Variants in PPP2R5C observed in about 807,000 individuals in gnomAD.
The protein encoded by PPP2R5C is serine/threonine-protein phosphatase 2A 56 kDa regulatory subunit gamma isoform.
In PPP2R5C, 7 loss-of-function variants were observed where a neutral mutation model predicts 68.9. The ratio of observed to expected loss-of-function variants is 0.10; its 90% CI spans 0.06 to 0.19. PPP2R5C has a LOEUF of 0.19. Ranked by LOEUF, PPP2R5C falls within the 10% of genes least tolerant of loss-of-function variation. The pLI, the probability that PPP2R5C is intolerant of heterozygous loss-of-function variation, is 1.00. For synonymous variants in PPP2R5C, 210 were observed against 222.2 expected (o/e 0.95, Z 0.49); for missense variants, 348 against 641.3 (o/e 0.54, Z 4.94).
chr14:101,797,023 C>G lies in PPP2R5C; in HGVS notation c.259+10840C>G, dbSNP rs1314180891. ...TACATTCAAAATGCTGTACACCCATCACTACTATCTCTACCCAAAACTTTT... is the reference window on the plus strand; with the variant it reads ...TACATTCAAAATGCTGTACACCCATGACTACTATCTCTACCCAAAACTTTT... On this transcript the variant is annotated intron_variant, in intron 3 of 14. Transcript: ENST00000328724. This position sits in a 1 kb window ranked among gnomAD's most constrained non-coding sequence, Gnocchi z 4.2. 2.5e-6 allele frequency: 1 copy of G among 400,490 alleles called. No individual in the cohort carries two copies. The highest frequency in any genetic ancestry group is 5.1e-6 in the Non-Finnish European group (1 of 197,772). 24.8% of individuals were successfully genotyped at this position (400,490 alleles called of 1,614,324 possible).
Position 101,762,437 on chromosome 14 carries a change from T to C in PPP2R5C, c.28-468T>C, listed in dbSNP as rs934850618. Among the ~76,000 whole-genome samples, 3 of 151,866 alleles carry C rather than the reference T, an allele frequency of 2.0e-5. No homozygotes were observed. The South Asian group carries it at 6.3e-4, about 32-fold the overall frequency. On this transcript the variant is annotated intron_variant, in intron 1 of 14. Coordinates refer to the PPP2R5C transcript ENST00000328724. The stretch of plus-strand genomic sequence containing the variant: ...CCGCCCCGGAGGGACGCTCTGGGGC[T>C]CTCGAACACTATTATTATCCTGGGT...
At chr14:101,805,555 A>C (rs1025729464), upstream of PPP2R5C, among the ~76,000 whole-genome samples, 70 of 152,238 alleles carry the variant, frequency 4.6e-4, no homozygotes, top group African/African-American at 1.6e-3. Flanking sequence ...CTTGTTGGAT[A>C]TACACCCAAA....
At chr14:101,904,977 G>A (rs930344420) in intron 9 of PPP2R5C, among the ~76,000 whole-genome samples, 2 of 152,256 alleles carry the variant, frequency 1.3e-5, no homozygotes, top group Non-Finnish European at 2.9e-5. Context: ...GGTAGGGTAT[G>A]AACAGTGTTG....
In PPP2R5C at chr14:101,906,778, GT is replaced by G. The variant is rs2046051130; in HGVS notation, c.1151+252del. The stretch of plus-strand genomic sequence containing the variant: ...TTGCAGCCACCTCCCAGTAGCAGCA[GT>G]TTCTAGGCCTCTTCCTGAGCGTCCT... On this transcript the variant is annotated intron_variant, in intron 10 of 13. Transcript: ENST00000334743. The surrounding 1 kb of genome is among the most constrained non-coding windows in gnomAD (Gnocchi z 4.0). The G allele has an allele frequency of 2.2e-6, 1 of 446,934 alleles. No individual in the cohort carries two copies. Among genetic ancestry groups the G allele is most frequent in the South Asian group, 3.0e-5 (1 of 33,854 alleles). The allele number at this position is 446,934 out of a possible 1,614,324, so 27.7% of individuals were successfully genotyped here.
chr14:101,856,868 C>T, exon 2 of PPP2R5C: 2 of 1,613,832 alleles, frequency 1.2e-6, no homozygotes, highest in Non-Finnish European at 1.7e-6. Context: ...GCCTATTTAC[C>T]CAGAAGTAGT....
chr14:101,821,479 G>GTGTT (rs1334561134), intron 1 of PPP2R5C, among the ~76,000 whole-genome samples: 3 of 151,614 alleles, frequency 2.0e-5, no homozygotes, highest in Non-Finnish European at 2.9e-5. Flanking sequence ...GTGTGTGTGT[G>GTGTT]TGTGTATTTA....
At chr14:101,925,619 T>A in exon 14 of PPP2R5C, 1 of 178,950 alleles carries the variant, frequency 5.6e-6, no homozygotes, top group Non-Finnish European at 1.2e-5. Flanking sequence ...TTAACATAGG[T>A]GGTTCTGTGA....
intron 2 of PPP2R5C, chr14:101,766,073 T>G (rs2036845581): frequency 6.6e-6 from 1 of 152,244 alleles, no homozygotes; most frequent in Non-Finnish European, 1.5e-5. Context: ...GAGAAAGCAT[T>G]CAAGAACTTG....
intron 11 of PPP2R5C, among the ~76,000 whole-genome samples, chr14:101,910,689 C>T (rs1196352814): frequency 6.6e-6 from 1 of 152,116 alleles, no homozygotes; most frequent in African/African-American, 2.4e-5. Flanking sequence ...AAAAAAGGGC[C>T]AGGCGTGGTG....
At chr14:101,918,819 G>C (rs2046853043) in intron 13 of PPP2R5C, among the ~76,000 whole-genome samples, 1 of 149,186 alleles carries the variant, frequency 6.7e-6, no homozygotes, top group Non-Finnish European at 1.5e-5. Context: ...GTGTTTCCCT[G>C]AGCGTCCCTC....
At chr14:101,822,082 C>G (rs796797679) in intron 1 of PPP2R5C, among the ~76,000 whole-genome samples, 12 of 128,938 alleles carry the variant, frequency 9.3e-5, no homozygotes, top group African/African-American at 3.7e-4. Context: ...ACCCCCTGCC[C>G]CCCCCCCACA....
At chr14:101,874,808 C>T (rs1230214660) in intron 2 of PPP2R5C, among the ~76,000 whole-genome samples, 1 of 152,094 alleles carries the variant, frequency 6.6e-6, no homozygotes, top group Non-Finnish European at 1.5e-5. Flanking sequence ...GGCACGATCT[C>T]AGCTCACTGC....
chr14:101,833,555 TTGTC>T (rs2040885132), intron 1 of PPP2R5C: 1 of 152,282 alleles, frequency 6.6e-6, no homozygotes, highest in Admixed American at 6.5e-5. Context: ...TTTGCTCTCA[TTGTC>T]TGGCCCCAAA....
At chr14:101,777,976 C>A (rs571851326) in intron 2 of PPP2R5C, among the ~76,000 whole-genome samples, 1 of 152,154 alleles carries the variant, frequency 6.6e-6, no homozygotes, top group South Asian at 2.1e-4. Context: ...CACTATATTG[C>A]CCAGACTGGT....
rs926167637 is a variant in PPP2R5C at position 101,916,044 on chromosome 14, G to T, written c.1327-1787G>T. Reference sequence around the variant, plus strand: ...TGTCAGTTATGGGGTGGGCCGGTGCGATCTGCTGAGAGGTGAGGGTGGAGA... The same window carrying T: ...TGTCAGTTATGGGGTGGGCCGGTGCTATCTGCTGAGAGGTGAGGGTGGAGA... On this transcript the variant is annotated intron_variant, in intron 12 of 13. Coordinates refer to ENST00000334743, the Ensembl canonical transcript of PPP2R5C. The surrounding 1 kb of genome is among the most constrained non-coding windows in gnomAD (Gnocchi z 5.5). Among the ~76,000 whole-genome samples, 3 of 152,168 alleles carry T rather than the reference G, an allele frequency of 2.0e-5. No homozygotes were observed. Among genetic ancestry groups the T allele is most frequent in the Admixed American group, 2.0e-4 (3 of 15,276 alleles).
chr14:101,876,848 G>T (rs910994381), intron 2 of PPP2R5C, among the ~76,000 whole-genome samples: 1 of 151,270 alleles, frequency 6.6e-6, no homozygotes, highest in African/African-American at 2.4e-5. Flanking sequence ...AACTGTTCGT[G>T]CATAATGTTT....
chr14:101,843,835 G>T, intron 1 of PPP2R5C: 1 of 205,642 alleles, frequency 4.9e-6, no homozygotes, highest in Non-Finnish European at 1.0e-5. Context: ...ACATCCTCCT[G>T]TCTCTGACTC....
chr14:101,801,735 C>G (rs1209201821), intron 3 of PPP2R5C, among the ~76,000 whole-genome samples: 3 of 152,212 alleles, frequency 2.0e-5, no homozygotes, highest in African/African-American at 7.2e-5. Flanking sequence ...GTTTGGAAGA[C>G]TTAATGTTGT....
chr14:101,779,390 G>C (rs1212739770), intron 2 of PPP2R5C, among the ~76,000 whole-genome samples: 1 of 152,172 alleles, frequency 6.6e-6, no homozygotes, highest in Non-Finnish European at 1.5e-5. Flanking sequence ...GGTGGGGCCT[G>C]GCTGCGTGTA....
Sources: allele counts gnomAD v4.1 joint callset (sites outside exome capture counted in the v4.1 genomes callset), GRCh38; gene constraint gnomAD v4.1.1; non-coding constraint Gnocchi (gnomAD v3.1); transcripts MANE v1.5; gene names NCBI Gene and HGNC (gene_info 2026-07-23, HGNC 2026-07-21).